PRUNE2: variants seen among roughly 807,000 people sequenced by gnomAD.
PRUNE2 encodes the protein protein prune homolog 2.
In PRUNE2, 164 loss-of-function variants were observed where a neutral mutation model predicts 252.0. The ratio of observed to expected loss-of-function variants is 0.65; its 90% confidence interval spans 0.57 to 0.74. The LOEUF (loss-of-function observed/expected upper bound fraction) is 0.74, where lower values mean the gene tolerates loss of function less well. PRUNE2 is among the 30% of genes least tolerant of loss of function. The pLI, the probability that PRUNE2 is intolerant of heterozygous loss-of-function variation, is 0.00. For missense variants in PRUNE2, 3,495 were observed against 3,711.0 expected (o/e 0.94, Z 1.51); for synonymous variants, 1,292 against 1,350.2 (o/e 0.96, Z 0.94).
chr9:76,620,004 G>A (rs1414970745), intron 17 of PRUNE2, among the ~76,000 whole-genome samples: 2 of 152,034 alleles, frequency 1.3e-5, no homozygotes, highest in African/African-American at 4.8e-5. Flanking sequence ...GTGTTTTTAT[G>A]GCATTTATGT....
At chr9:76,787,818 G>GA (rs929337074) in intron 6 of PRUNE2, among the ~76,000 whole-genome samples, 121 of 152,266 alleles carry the variant, frequency 7.9e-4, no homozygotes, top group African/African-American at 2.7e-3. Context: ...GCCCACAGGA[G>GA]AAAGCCCCGT....
Position 76,710,196 on chromosome 9 carries a change from G to A in PRUNE2, c.2078C>T (p.Ser693Phe). 4 of 1,613,916 alleles carry A rather than the reference G, an allele frequency of 2.5e-6. No individual in the cohort carries two copies. The highest frequency in any genetic ancestry group is 3.4e-6 in the Non-Finnish European group (4 of 1,179,874). The change falls in exon 8 of 19, where the codon TCC (serine) becomes TTC (phenylalanine). Residue 693 changes from serine (S) to phenylalanine (F), a missense_variant. Ser to Phe is a radical substitution (Grantham distance 155). Transcript: ENST00000376718. ...PESWKEHKPS[S>F]IDRRASDSVF... ...AGAATCTGAGGCTCTCCTATCAATG[G>A]AGCTTGGCTTATGCTCTTTCCATGA...
intron 1 of PRUNE2, among the ~76,000 whole-genome samples, chr9:76,889,806 C>T (rs544680317): frequency 8.5e-5 from 13 of 152,192 alleles, no homozygotes; most frequent in African/African-American, 2.4e-5. Context: ...TCTAATGCAC[C>T]GCTCCTGCCT....
chr9:76,872,657 A>G (rs2061284307), intron 1 of PRUNE2, among the ~76,000 whole-genome samples: 1 of 150,552 alleles, frequency 6.6e-6, no homozygotes, highest in African/African-American at 2.5e-5. Context: ...TCACACCTCA[A>G]AACTCCCTAT....
intron 18 of PRUNE2, among the ~76,000 whole-genome samples, chr9:76,616,997 T>TAAATAAAA (rs1449786937): frequency 1.3e-5 from 2 of 151,978 alleles, no homozygotes; most frequent in East Asian, 1.9e-4. Context: ...AATAAATAAA[T>TAAATAAAA]AAAAGTATCC....
chr9:76,797,512 T>C (rs1178070774), intron 6 of PRUNE2, among the ~76,000 whole-genome samples: 1 of 152,196 alleles, frequency 6.6e-6, no homozygotes, highest in Non-Finnish European at 1.5e-5. Context: ...ATTTTAAAAA[T>C]TGTTTCCCAA....
At chr9:76,846,417 T>C (rs527419766) in intron 4 of PRUNE2, 98 bp downstream of exon 4, 27 of 1,075,058 alleles carry the variant, frequency 2.5e-5, no homozygotes, top group South Asian at 3.8e-5. Context: ...TTTAAAGAGA[T>C]TGTTAACCCA....
At chr9:76,628,943 C>T (rs1836185339) in intron 16 of PRUNE2, among the ~76,000 whole-genome samples, 1 of 151,850 alleles carries the variant, frequency 6.6e-6, no homozygotes. Context: ...TTCCCAGGAT[C>T]AGGTGATCCT....
At chr9:76,893,252 AAAAC>A (rs1428869139) in intron 1 of PRUNE2, among the ~76,000 whole-genome samples, 1 of 152,240 alleles carries the variant, frequency 6.6e-6, no homozygotes, top group African/African-American at 2.4e-5. Context: ...TTCTAAAAAC[AAAAC>A]AAACAACAAT....
chr9:76,687,642 G>T, intron 9 of PRUNE2: 1 of 424,278 alleles, frequency 2.4e-6, no homozygotes, highest in Non-Finnish European at 4.8e-6. Flanking sequence ...TGTTTCTCAG[G>T]CCATTCATTC....
intron 1 of PRUNE2, chr9:76,863,249 T>C (rs886085428): frequency 1.3e-5 from 2 of 152,192 alleles, no homozygotes; most frequent in African/African-American, 2.4e-5. Context: ...CAGAAAGTTA[T>C]AGAAATTTAC....
At chr9:76,679,433 C>T (rs1387854420) in intron 9 of PRUNE2, among the ~76,000 whole-genome samples, 1 of 152,154 alleles carries the variant, frequency 6.6e-6, no homozygotes, top group Non-Finnish European at 1.5e-5. Flanking sequence ...GGAAGTCTTA[C>T]ACCTCCTAAT....
At chr9:76,744,572 G>A (rs998787221) in intron 6 of PRUNE2, among the ~76,000 whole-genome samples, 1 of 152,138 alleles carries the variant, frequency 6.6e-6, no homozygotes, top group African/African-American at 2.4e-5. Context: ...CCTTGGAGGT[G>A]GGGCAGAATA....
Position 76,637,418 on chromosome 9 carries a change from C to G in PRUNE2, c.8963G>C (p.Arg2988Pro). The G allele has an allele frequency of 6.2e-7, 1 of 1,613,330 alleles. No individual in the cohort carries two copies. The highest frequency in any genetic ancestry group is 8.5e-7 in the Non-Finnish European group (1 of 1,179,676). ...MKKCYQMIDR[R>P]LRKNLKSFII... ...TGATTAAATAATAGAGCCCACATAC[C>G]GTCTGTCAATCATCTGGTAGCATTT... is the stretch of plus-strand genomic sequence containing the variant. Residue 2988 changes from arginine (R) to proline (P), a missense_variant and splice_region_variant, in exon 14 of 19, where the codon CGG becomes CCG. Coordinates refer to ENST00000376718, the MANE Select transcript of PRUNE2 (RefSeq NM_015225.3).
At chr9:76,682,017 G>A (rs2043494762) in intron 9 of PRUNE2, among the ~76,000 whole-genome samples, 1 of 152,058 alleles carries the variant, frequency 6.6e-6, no homozygotes, top group African/African-American at 2.4e-5. Context: ...TGAGAGTCAT[G>A]GGAAGTGGCA....
chr9:76,904,389 A>G (rs12342518), intron 1 of PRUNE2, among the ~76,000 whole-genome samples: 4,261 of 152,272 alleles, frequency 0.028, 210 homozygotes, highest in African/African-American at 0.096. Flanking sequence ...CAGACCCCAC[A>G]GTCTAAATGT....
Position 76,872,560 on chromosome 9 carries a change from C to T in PRUNE2, c.37-18352G>A, listed in dbSNP as rs190662181. 2.8e-3 allele frequency among the ~76,000 whole-genome samples: 418 copies of T among 150,720 alleles called. 1 individual carries two copies. Among genetic ancestry groups the T allele is most frequent in the African/African-American group, 9.6e-3 (395 of 40,960 alleles). On this transcript the variant is annotated intron_variant, in intron 1 of 18. Coordinates refer to ENST00000376718, the MANE Select transcript of PRUNE2 (RefSeq NM_015225.3). ...CCTCTACTCTTCTTTTCATGATTCT[C>T]ATTAAGTTAAAAAAACAATTTTACA...
intron 6 of PRUNE2, among the ~76,000 whole-genome samples, chr9:76,724,568 T>C (rs927786036): frequency 2.0e-5 from 3 of 152,106 alleles, no homozygotes; most frequent in Admixed American, 2.0e-4. Context: ...CCCATCTTTT[T>C]CCATCCCATC....
chr9:76,646,512 C>G (rs1228233855), intron 11 of PRUNE2, among the ~76,000 whole-genome samples: 2 of 152,210 alleles, frequency 1.3e-5, no homozygotes, highest in African/African-American at 4.8e-5. Context: ...GGCAGCTTAT[C>G]AAGGACACAG....
Sources: allele counts gnomAD v4.1 joint callset (sites outside exome capture counted in the v4.1 genomes callset), GRCh38; gene constraint gnomAD v4.1.1; transcripts MANE v1.5; gene names NCBI Gene and HGNC (gene_info 2026-07-23, HGNC 2026-07-21).